Variants in RAPGEF5 observed in about 807,000 individuals in gnomAD.
RAPGEF5 encodes Rap guanine nucleotide exchange factor 5, also known as M-Ras-regulated GEF.
In RAPGEF5, 65 loss-of-function variants were observed where a neutral mutation model predicts 125.2. The ratio of observed to expected loss-of-function variants is 0.52; its 90% CI spans 0.43 to 0.64. The LOEUF is 0.64. Among genes scored for constraint, RAPGEF5 ranks in the 30% least tolerant of loss-of-function variants. The pLI, the probability that RAPGEF5 is intolerant of heterozygous loss-of-function variation, is 0.00. For missense variants in RAPGEF5, 958 were observed against 1,048.1 expected (o/e 0.91, Z 1.19); for synonymous variants, 391 against 385.9 (o/e 1.01, Z -0.16).
intron 7 of RAPGEF5, among the ~76,000 whole-genome samples, chr7:22,260,722 T>TA (rs1782135552): frequency 1.3e-5 from 2 of 151,796 alleles, no homozygotes; most frequent in Admixed American, 6.6e-5. Flanking sequence ...AATACACATT[T>TA]AAAAAATCCC....
Position 22,193,993 on chromosome 7 carries a change from T to C in RAPGEF5, c.1037A>G (p.Asp346Gly). 1 of 1,613,952 alleles carries C rather than the reference T, an allele frequency of 6.2e-7. No homozygotes were observed. The highest frequency in any genetic ancestry group is 8.5e-7 in the Non-Finnish European group (1 of 1,179,872). Reference sequence around the variant, plus strand: ...TTTCTTCAGCACCAGGACGCTCTGGTCTTGCTCTTTAACCTGAACAGTCGT... The same window carrying C: ...TTTCTTCAGCACCAGGACGCTCTGGCCTTGCTCTTTAACCTGAACAGTCGT... ...EVTTVQVKEQ[D>G]QSVLVLKKVQ... Residue 346 changes from aspartate (D) to glycine (G), a missense_variant, in exon 10 of 26, where the codon GAC (aspartate) becomes GGC (glycine). By Grantham distance (94) the Asp-to-Gly change is moderately conservative. Coordinates refer to ENST00000665637, the MANE Select transcript of RAPGEF5 (RefSeq NM_012294.5).
intron 1 of RAPGEF5, among the ~76,000 whole-genome samples, chr7:22,320,680 C>G (rs1656982698): frequency 6.6e-6 from 1 of 152,074 alleles, no homozygotes; most frequent in Non-Finnish European, 1.5e-5. Flanking sequence ...CATCCCAGGG[C>G]TTCATCTCAT....
intron 7 of RAPGEF5, among the ~76,000 whole-genome samples, chr7:22,254,522 C>T (rs374645765): frequency 1.8e-4 from 27 of 149,498 alleles, no homozygotes; most frequent in African/African-American, 6.2e-4. Context: ...GCAGGAGAAT[C>T]GCTTGAACTC....
Position 22,193,982 on chromosome 7 carries a change from G to A in RAPGEF5, c.1048C>T (p.Leu350=). The change falls in exon 10 of 26, where the codon CTG becomes TTG. Residue 350 remains leucine, a synonymous_variant. Transcript: ENST00000665637. ...CAGCACTGCACTTTCTTCAGCACCA[G>A]GACGCTCTGGTCTTGCTCTTTAACC... ...VQVKEQDQSV[L]VLKKVQCCGP... is the part of the protein sequence containing the mutation. 6.2e-7 allele frequency: 1 copy of A among 1,613,948 alleles called. No homozygotes were observed.
At chr7:22,317,944 A>G in intron 2 of RAPGEF5, 43 bp downstream of exon 2, 1 of 1,545,124 alleles carries the variant, frequency 6.5e-7, no homozygotes, top group Non-Finnish European at 8.7e-7. Flanking sequence ...GAATTTGTCA[A>G]TCACTATTTC....
intron 1 of RAPGEF5, among the ~76,000 whole-genome samples, chr7:22,355,529 T>C (rs1399454782): frequency 1.3e-5 from 2 of 152,176 alleles, no homozygotes; most frequent in African/African-American, 4.8e-5. Flanking sequence ...CTCACTTACT[T>C]TGCAGGCAAT....
At chr7:22,317,681 T>C (rs529099092) in intron 2 of RAPGEF5, among the ~76,000 whole-genome samples, 1 of 152,350 alleles carries the variant, frequency 6.6e-6, no homozygotes, top group East Asian at 1.9e-4. Flanking sequence ...AGCTATATTA[T>C]ATTTATATCG....
chr7:22,168,042 C>A (rs951233186), intron 11 of RAPGEF5, among the ~76,000 whole-genome samples: 4 of 152,072 alleles, frequency 2.6e-5, no homozygotes, highest in African/African-American at 9.7e-5. Context: ...ACATTCCAGA[C>A]ATCACATTTT....
At position 22,308,476 on chromosome 7, in the gene RAPGEF5, A is replaced by C; in HGVS notation, c.543T>G (p.Tyr181Ter). Reference protein sequence around the residue: ...VDQHLYFQDTYVFYQFSSDEC... With the variant: ...VDQHLYFQDT ...CATCAGAGGAAAACTGGTAGAAAAC[A>C]TAAGTATCTTGAAAGTATAGATGCT... is the stretch of plus-strand genomic sequence containing the variant. Residue 181 changes from tyrosine (Y) to a stop codon, truncating the protein, a stop_gained, in exon 5 of 26, where the codon TAT (tyrosine) becomes TAG (stop). Coordinates refer to ENST00000665637, the MANE Select transcript of RAPGEF5 (RefSeq NM_012294.5). LOFTEE classifies it high-confidence loss of function. 1 of 1,566,382 alleles carries C rather than the reference A, an allele frequency of 6.4e-7. No individual in the cohort carries two copies. Among genetic ancestry groups the C allele is most frequent in the Non-Finnish European group, 8.7e-7 (1 of 1,153,830 alleles).
chr7:22,252,322 G>A lies in RAPGEF5; in HGVS notation c.796+14642C>T, dbSNP rs139378657. Among the ~76,000 whole-genome samples, 372 of 152,222 alleles carry A rather than the reference G, an allele frequency of 2.4e-3. 5 individuals carry two copies. The South Asian group carries it at 0.025, about 10-fold the overall frequency. ...TCCCAGGATCAAATTCCCTACAATA[G>A]GAACAAGCTTCCACTTACAGCAATT... On this transcript the variant is annotated intron_variant, in intron 7 of 25. Transcript: ENST00000665637.
In RAPGEF5 at chr7:22,193,414, T is replaced by C. The variant is rs1199872191; in HGVS notation, c.1157A>G (p.His386Arg). The change falls in exon 11 of 26, where the codon CAC becomes CGC. Residue 386 changes from histidine (H) to arginine (R), a missense_variant. Transcript: ENST00000665637. ...TTCCAGGTGCAAGTCATTCAAAAGG[T>C]GCTCCAAAATCTTCTCCGGGGTCCC... is the stretch of plus-strand genomic sequence containing the variant. ...VSGTPEKILEHLLNDLHLEEV... is the reference protein window; with the variant it reads ...VSGTPEKILERLLNDLHLEEV... 3 of 1,597,086 alleles carry C rather than the reference T, an allele frequency of 1.9e-6. No individual in the cohort carries two copies. Among genetic ancestry groups the C allele is most frequent in the Non-Finnish European group, 2.6e-6 (3 of 1,171,410 alleles).
chr7:22,204,666 A>C (rs540715167), intron 9 of RAPGEF5, among the ~76,000 whole-genome samples: 1 of 152,298 alleles, frequency 6.6e-6, no homozygotes, highest in Non-Finnish European at 1.5e-5. Flanking sequence ...TGGTGTTTTT[A>C]GGGAGGCACG....
chr7:22,174,516 G>A, intron 11 of RAPGEF5, among the ~76,000 whole-genome samples: 1 of 152,128 alleles, frequency 6.6e-6, no homozygotes, highest in Admixed American at 6.6e-5. Flanking sequence ...CTTCTGCTCT[G>A]GCAGTCTTCA....
rs188679400 is a variant in RAPGEF5 at position 22,167,561 on chromosome 7, G to C, written c.1205-413C>G. Among the ~76,000 whole-genome samples the C allele has an allele frequency of 1.4e-4, 22 of 152,208 alleles. No homozygotes were observed. In the East Asian group the frequency reaches 3.9e-3, roughly 27 times the overall value. Reference sequence around the variant, plus strand: ...AGCCTTCATGTGTTAATAAATTAAGGTTTTTTCCAAAGCCATTTACTTAAG... The same window carrying C: ...AGCCTTCATGTGTTAATAAATTAAGCTTTTTTCCAAAGCCATTTACTTAAG... On this transcript the variant is annotated intron_variant, in intron 11 of 25. Coordinates refer to ENST00000665637, the MANE Select transcript of RAPGEF5 (RefSeq NM_012294.5).
rs372172176 is a variant in RAPGEF5 at position 22,193,930 on chromosome 7, G to A, written c.1100C>T (p.Ala367Val). Residue 367 changes from alanine (A) to valine (V), a missense_variant, in exon 10 of 26, where the codon GCG (alanine) becomes GTG (valine). Transcript: ENST00000665637. Reference protein sequence around the residue: ...CCGPAPTAGSAESHWRYVVVS... With the variant: ...CCGPAPTAGSVESHWRYVVVS... ...AAACTCTCACCTCCAATGGCTCTCC[G>A]CACTCCCAGCTGTGGGGGCTGGGCC... The A allele has an allele frequency of 1.3e-5, 21 of 1,613,578 alleles. No individual in the cohort carries two copies. In the Middle Eastern group the frequency reaches 4.9e-4, roughly 38 times the overall value.
rs1783832493 is a variant in RAPGEF5, at chr7:22,157,016, C to T, written c.1558-128G>A. The T allele has an allele frequency of 4.2e-6, 6 of 1,425,440 alleles. No individual in the cohort carries two copies. The East Asian group carries it at 1.5e-4, about 36-fold the overall frequency. The allele number at this position is 1,425,440 out of a possible 1,614,324, so 88.3% of individuals were successfully genotyped here. The stretch of plus-strand genomic sequence containing the variant: ...TTAATATGAAATCCACCCATCCAAT[C>T]TTAGAGAAATAAACTGGGAGTCGCC... On this transcript the variant is annotated intron_variant, in intron 15 of 25. Coordinates refer to ENST00000665637, the MANE Select transcript of RAPGEF5 (RefSeq NM_012294.5).
intron 3 of RAPGEF5, among the ~76,000 whole-genome samples, chr7:22,313,595 G>T (rs1783522370): frequency 6.6e-6 from 1 of 152,048 alleles, no homozygotes; most frequent in South Asian, 2.1e-4. Context: ...TTGGATAGAT[G>T]GATTTTTTTC....
At chr7:22,240,263 T>C (rs1786295651) in intron 7 of RAPGEF5, among the ~76,000 whole-genome samples, 2 of 149,486 alleles carry the variant, frequency 1.3e-5, no homozygotes, top group Admixed American at 1.3e-4. Flanking sequence ...TTGTGTATTA[T>C]CCAACTAAAA....
chr7:22,203,219 G>T (rs567242899), intron 9 of RAPGEF5, among the ~76,000 whole-genome samples: 16 of 152,232 alleles, frequency 1.1e-4, no homozygotes, highest in African/African-American at 3.9e-4. Context: ...CTCTGCCAGA[G>T]GAGGGCTAGG....
Sources: allele counts gnomAD v4.1 joint callset (sites outside exome capture counted in the v4.1 genomes callset), GRCh38; gene constraint gnomAD v4.1.1; transcripts MANE v1.5; gene names NCBI Gene and HGNC (gene_info 2026-07-23, HGNC 2026-07-21).